Variants in NRG3 observed in about 807,000 individuals in gnomAD.
NRG3 encodes pro-neuregulin-3, membrane-bound isoform.
NRG3 carries 31 observed loss-of-function variants against 66.9 expected under a neutral mutation model. That is an observed-to-expected ratio of 0.46 (90% CI 0.35 to 0.63). NRG3 has a LOEUF of 0.63. NRG3 is among the 20% of genes least tolerant of loss of function. The probability of loss-of-function intolerance (pLI) is 0.00; values close to 1 mark genes in which losing one functional copy is unlikely to be tolerated. For missense variants in NRG3, 910 were observed against 878.9 expected (o/e 1.04, Z -0.45); for synonymous variants, 393 against 359.4 (o/e 1.09, Z -1.06).
intron 1 of NRG3, among the ~76,000 whole-genome samples, chr10:81,884,095 C>T (rs930733549): frequency 6.6e-6 from 1 of 152,274 alleles, no homozygotes; most frequent in East Asian, 1.9e-4. Context: ...ATATAATTTG[C>T]CTAGGACTTG....
intron 1 of NRG3, among the ~76,000 whole-genome samples, chr10:82,148,256 G>T (rs1219636350): frequency 6.6e-6 from 1 of 152,258 alleles, no homozygotes; most frequent in South Asian, 2.1e-4. Flanking sequence ...CCAGCACTTT[G>T]GGAGGCCGAG....
intron 2 of NRG3, among the ~76,000 whole-genome samples, chr10:82,630,420 A>G (rs1252218467): frequency 2.0e-5 from 3 of 151,880 alleles, no homozygotes; most frequent in African/African-American, 7.3e-5. Context: ...ATCATAAGGA[A>G]AAGTAGAAAG....
At chr10:82,718,402 A>G (rs1013580817) in intron 2 of NRG3, among the ~76,000 whole-genome samples, 1 of 152,240 alleles carries the variant, frequency 6.6e-6, no homozygotes, top group African/African-American at 2.4e-5. Flanking sequence ...TTGAGGTTCA[A>G]TGTCTACTTC....
chr10:82,031,983 C>G (rs1342395389), intron 1 of NRG3, among the ~76,000 whole-genome samples: 1 of 152,028 alleles, frequency 6.6e-6, no homozygotes, highest in Non-Finnish European at 1.5e-5. Flanking sequence ...GCTGACCAAG[C>G]AGTGGGCCAT....
chr10:82,285,187 T>A (rs2079347609), intron 1 of NRG3, among the ~76,000 whole-genome samples: 1 of 152,204 alleles, frequency 6.6e-6, no homozygotes, highest in Non-Finnish European at 1.5e-5. Context: ...CTTTCATTCA[T>A]GCTGTAGATG....
At chr10:82,185,582 G>C (rs2133279906) in intron 1 of NRG3, among the ~76,000 whole-genome samples, 1 of 152,288 alleles carries the variant, frequency 6.6e-6, no homozygotes, top group Middle Eastern at 3.4e-3. Flanking sequence ...TATTAGAGTA[G>C]AAACATATAA....
chr10:81,899,433 G>A (rs75971522), intron 1 of NRG3, among the ~76,000 whole-genome samples: 6,953 of 152,294 alleles, frequency 0.046, 420 homozygotes, highest in African/African-American at 0.14. Context: ...CGGCATCCCA[G>A]CAGGATGAGC....
At chr10:81,989,098 T>C (rs1192438668) in intron 1 of NRG3, among the ~76,000 whole-genome samples, 2 of 152,072 alleles carry the variant, frequency 1.3e-5, no homozygotes, top group African/African-American at 2.4e-5. Flanking sequence ...ATATATTAGA[T>C]GGGGTGAGGG....
intron 6 of NRG3, among the ~76,000 whole-genome samples, chr10:82,968,371 A>G (rs969636017): frequency 1.3e-5 from 2 of 152,258 alleles, no homozygotes; most frequent in African/African-American, 4.8e-5. Flanking sequence ...AAAAAGTTCT[A>G]AAATAATAAA....
At chr10:82,732,107 T>C (rs547832143) in intron 2 of NRG3, among the ~76,000 whole-genome samples, 3 of 152,180 alleles carry the variant, frequency 2.0e-5, no homozygotes, top group Non-Finnish European at 4.4e-5. Flanking sequence ...CATTAAAACA[T>C]CATGTTGTAC....
chr10:82,949,267 T>C (rs35515371), intron 4 of NRG3, among the ~76,000 whole-genome samples: 1 of 152,152 alleles, frequency 6.6e-6, no homozygotes, highest in Non-Finnish European at 1.5e-5. Context: ...TTATATATTG[T>C]TGTATTTTAT....
At chr10:82,807,371 T>G (rs1419504159) in intron 3 of NRG3, among the ~76,000 whole-genome samples, 5 of 152,208 alleles carry the variant, frequency 3.3e-5, no homozygotes, top group Admixed American at 3.3e-4. Context: ...CTGACAGTCA[T>G]GAATACCTAC....
chr10:82,620,153 TGCTCTCTTA>T (rs2048944785), intron 2 of NRG3, among the ~76,000 whole-genome samples: 1 of 152,124 alleles, frequency 6.6e-6, no homozygotes, highest in South Asian at 2.1e-4. Context: ...CATATTACAA[TGCTCTCTTA>T]GCTCCACCGT....
intron 1 of NRG3, among the ~76,000 whole-genome samples, chr10:82,142,675 G>A (rs1356276558): frequency 6.6e-6 from 1 of 151,264 alleles, no homozygotes; most frequent in Non-Finnish European, 1.5e-5. Context: ...ACAACGTAAT[G>A]TATCTCTCAT....
chr10:82,101,593 A>G (rs2066724408), intron 1 of NRG3, among the ~76,000 whole-genome samples: 1 of 151,752 alleles, frequency 6.6e-6, no homozygotes, highest in Admixed American at 6.6e-5. Context: ...TTAACCCATT[A>G]ATTATTTAGG....
chr10:82,981,501 A>G (rs1852893181), intron 8 of NRG3, among the ~76,000 whole-genome samples: 1 of 152,198 alleles, frequency 6.6e-6, no homozygotes, highest in South Asian at 2.1e-4. Flanking sequence ...TCACAGCTAA[A>G]GGCCGTCTTT....
intron 1 of NRG3, among the ~76,000 whole-genome samples, chr10:82,047,591 C>T (rs1373991203): frequency 1.3e-5 from 2 of 151,348 alleles, no homozygotes; most frequent in Non-Finnish European, 2.9e-5. Context: ...AAAAGAGCTC[C>T]TGAAGGAAGC....
chr10:82,049,787 A>G (rs948872904), intron 1 of NRG3, among the ~76,000 whole-genome samples: 3 of 151,950 alleles, frequency 2.0e-5, no homozygotes, highest in African/African-American at 7.2e-5. Context: ...TGAGTAGCCC[A>G]GAGCTCAGTT....
intron 2 of NRG3, among the ~76,000 whole-genome samples, chr10:82,544,793 C>G (rs2043783110): frequency 6.6e-6 from 1 of 152,138 alleles, no homozygotes; most frequent in African/African-American, 2.4e-5. Context: ...ATTGATAGCT[C>G]CTAAACAATA....
Sources: gnomAD v4.1 joint callset for allele counts (sites outside exome capture counted in the v4.1 genomes callset) on GRCh38, gnomAD v4.1.1 for gene constraint, MANE v1.5 for transcripts, NCBI Gene and HGNC (gene_info 2026-07-23, HGNC 2026-07-21) for gene names.